SYT1: variants seen among roughly 807,000 people sequenced by gnomAD.
SYT1 encodes the protein synaptotagmin-1.
A neutral mutation model predicts 44.8 loss-of-function variants in SYT1; 8 were observed. The observed-to-expected ratio is 0.18, with a 90% CI of 0.10 to 0.32. SYT1 has a LOEUF of 0.32. SYT1 is among the 10% of genes least tolerant of loss of function. SYT1 has a pLI of 1.00. For missense variants in SYT1, 286 were observed against 509.3 expected (o/e 0.56, Z 4.22); for synonymous variants, 154 against 188.8 (o/e 0.82, Z 1.51).
intron 3 of SYT1, among the ~76,000 whole-genome samples, chr12:79,094,295 A>T (rs1184241262): frequency 6.6e-6 from 1 of 151,798 alleles, no homozygotes; most frequent in Non-Finnish European, 1.5e-5. Flanking sequence ...AACCAACAGC[A>T]TTAAGCTAGT....
At chr12:79,364,669 C>T (rs970945555) in intron 9 of SYT1, among the ~76,000 whole-genome samples, 4 of 152,112 alleles carry the variant, frequency 2.6e-5, no homozygotes, top group African/African-American at 9.7e-5. Context: ...ACTGAAACTG[C>T]TTTTAGCCAA....
At chr12:79,336,838 A>T (rs1366306648) in intron 8 of SYT1, among the ~76,000 whole-genome samples, 1 of 151,844 alleles carries the variant, frequency 6.6e-6, no homozygotes, top group Admixed American at 6.6e-5. Context: ...ATTTATTTTT[A>T]TTATTTTTTA....
intron 4 of SYT1, among the ~76,000 whole-genome samples, chr12:79,276,833 A>C (rs1878757776): frequency 6.6e-6 from 1 of 151,966 alleles, no homozygotes; most frequent in Admixed American, 6.6e-5. Context: ...TCAGACAAAA[A>C]TAACAAAAAC....
intron 3 of SYT1, among the ~76,000 whole-genome samples, chr12:79,123,265 C>G (rs1175809480): frequency 6.6e-6 from 1 of 150,784 alleles, no homozygotes; most frequent in African/African-American, 2.4e-5. Context: ...ATCAATGGGT[C>G]CAGTACTCGG....
chr12:79,261,505 T>G (rs1211513099), intron 4 of SYT1, among the ~76,000 whole-genome samples: 2 of 152,166 alleles, frequency 1.3e-5, no homozygotes, highest in East Asian at 3.9e-4. Context: ...TTTCCTTCAA[T>G]TTTTAAGAGA....
intron 3 of SYT1, among the ~76,000 whole-genome samples, chr12:79,074,629 T>C (rs148817297): frequency 6.6e-6 from 1 of 152,326 alleles, no homozygotes; most frequent in African/African-American, 2.4e-5. Flanking sequence ...TGCTTACTTA[T>C]GAACTGCGAC....
chr12:78,867,423 AGAACTAATTCCAATATATAGT>A (rs1389879032), intron 1 of SYT1, among the ~76,000 whole-genome samples: 2 of 152,116 alleles, frequency 1.3e-5, no homozygotes, highest in Non-Finnish European at 1.5e-5. Flanking sequence ...ATTGGAAATC[AGAACTAATTCCAATATATAGT>A]GAGTGGATTG....
intron 9 of SYT1, among the ~76,000 whole-genome samples, chr12:79,424,440 G>T (rs1869310930): frequency 6.6e-6 from 1 of 152,158 alleles, no homozygotes; most frequent in South Asian, 2.1e-4. Context: ...AATTCCAGTT[G>T]TCTTTAGGCA....
chr12:79,402,214 A>G (rs1885095174), intron 9 of SYT1, among the ~76,000 whole-genome samples: 1 of 152,258 alleles, frequency 6.6e-6, no homozygotes, highest in Admixed American at 6.5e-5. Context: ...CCATAATGCT[A>G]CACGCAAACC....
chr12:79,381,641 T>C (rs1057365675), intron 9 of SYT1, among the ~76,000 whole-genome samples: 3 of 152,250 alleles, frequency 2.0e-5, no homozygotes, highest in Non-Finnish European at 4.4e-5. Context: ...ACACCTGTTG[T>C]CAGGCTAAAG....
At chr12:79,386,784 C>A (rs1333994802) in intron 9 of SYT1, among the ~76,000 whole-genome samples, 1 of 152,164 alleles carries the variant, frequency 6.6e-6, no homozygotes, top group Non-Finnish European at 1.5e-5. Flanking sequence ...CAATGCCTAG[C>A]CTCGTGCATC....
intron 1 of SYT1, among the ~76,000 whole-genome samples, chr12:78,930,656 C>G (rs528446006): frequency 3.3e-5 from 5 of 151,026 alleles, no homozygotes; most frequent in Non-Finnish European, 7.4e-5. Context: ...ACTTCCCAAC[C>G]TCCTCCATTG....
At chr12:79,222,643 A>G (rs1480545956) in intron 4 of SYT1, among the ~76,000 whole-genome samples, 1 of 152,108 alleles carries the variant, frequency 6.6e-6, no homozygotes, top group East Asian at 1.9e-4. Context: ...TTGGCATCCT[A>G]AAGTGCTGGG....
At chr12:79,434,418 T>G (rs758217394) in intron 9 of SYT1, among the ~76,000 whole-genome samples, 1 of 152,240 alleles carries the variant, frequency 6.6e-6, no homozygotes, top group Non-Finnish European at 1.5e-5. Context: ...TTTAATGTAG[T>G]CTTCTCTAAG....
intron 1 of SYT1, among the ~76,000 whole-genome samples, chr12:78,890,412 A>G (rs1813916): frequency 0.022 from 3,320 of 151,984 alleles, 126 homozygotes; most frequent in African/African-American, 0.075. Context: ...GCGGGGAAGG[A>G]TAGCATTAGT....
chr12:79,283,227 A>T (rs993364324), intron 4 of SYT1, among the ~76,000 whole-genome samples: 6 of 152,166 alleles, frequency 3.9e-5, no homozygotes, highest in Non-Finnish European at 7.4e-5. Flanking sequence ...TGTTAATTTC[A>T]TTATATTTAA....
rs189435059 is a variant in SYT1 at position 79,039,740 on chromosome 12, T to C, written c.-83-7557T>C. On this transcript the variant is annotated intron_variant, in intron 2 of 10. Transcript: ENST00000261205. ...GCACCCACTAACTGGTCATCTAGCATTAGGTATATCTCCCAATGCTATCCC... is the reference window on the plus strand; with the variant it reads ...GCACCCACTAACTGGTCATCTAGCACTAGGTATATCTCCCAATGCTATCCC... Among the ~76,000 whole-genome samples the C allele has an allele frequency of 1.1e-3, 166 of 150,566 alleles. 1 individual carries two copies. The highest frequency in any genetic ancestry group is 3.0e-3 in the Admixed American group (45 of 15,076).
chr12:79,332,617 G>A (rs1181558595), intron 8 of SYT1, among the ~76,000 whole-genome samples: 5 of 152,186 alleles, frequency 3.3e-5, no homozygotes, highest in Non-Finnish European at 5.9e-5. Flanking sequence ...GAAGTAATAT[G>A]CAGATGGGAC....
intron 1 of SYT1, among the ~76,000 whole-genome samples, chr12:78,954,844 C>A (rs1364960960): frequency 1.3e-5 from 2 of 152,080 alleles, no homozygotes; most frequent in African/African-American, 4.8e-5. Flanking sequence ...TTTCTCTACT[C>A]TTTTATTGCA....
Sources: allele counts gnomAD v4.1 joint callset (sites outside exome capture counted in the v4.1 genomes callset), GRCh38; gene constraint gnomAD v4.1.1; transcripts MANE v1.5; gene names NCBI Gene and HGNC (gene_info 2026-07-23, HGNC 2026-07-21).